Variants in CDKAL1 observed in about 807,000 individuals in gnomAD.
The protein encoded by CDKAL1 is CDKAL1 threonylcarbamoyladenosine tRNA methylthiotransferase.
In CDKAL1, 32 loss-of-function variants were observed where a neutral mutation model predicts 68.2. The ratio of observed to expected loss-of-function variants is 0.47; its 90% CI spans 0.35 to 0.63. The LOEUF (loss-of-function observed/expected upper bound fraction) is 0.63. Among genes scored for constraint, CDKAL1 ranks in the 30% least tolerant of loss-of-function variants. The pLI is 0.00. For missense variants in CDKAL1, 606 were observed against 696.7 expected, an observed-to-expected ratio of 0.87 and a Z score of 1.47; for synonymous variants, 234 against 244.3, an observed-to-expected ratio of 0.96 and a Z score of 0.39.
At chr6:21,217,908 G>A (rs1254868525) in intron 15 of CDKAL1, among the ~76,000 whole-genome samples, 1 of 152,162 alleles carries the variant, frequency 6.6e-6, no homozygotes, top group African/African-American at 2.4e-5. Context: ...CAGGCAAGAG[G>A]CACTGTGCCC....
chr6:20,614,610 A>C lies in CDKAL1; in HGVS notation c.287-34683A>C, dbSNP rs1183298686. ...CAAGTAGAGGGAATAGCTCAGCAAG[A>C]CCCCCCTACTTATCACAGATTCAGT... On this transcript the variant is annotated intron_variant, in intron 4 of 15. Coordinates refer to ENST00000274695, the MANE Select transcript of CDKAL1 (RefSeq NM_017774.3). Among the ~76,000 whole-genome samples, 9 of 151,640 alleles carry C rather than the reference A, an allele frequency of 5.9e-5. No individual in the cohort carries two copies. In the East Asian group the frequency reaches 1.7e-3, roughly 29 times the overall value.
chr6:20,629,419 C>T (rs920068725), intron 4 of CDKAL1, among the ~76,000 whole-genome samples: 20 of 152,140 alleles, frequency 1.3e-4, no homozygotes, highest in African/African-American at 4.3e-4. Flanking sequence ...TTTTCCTCTT[C>T]GCAGTTAAAT....
At chr6:21,072,039 G>A (rs1771801768) in intron 12 of CDKAL1, among the ~76,000 whole-genome samples, 2 of 152,142 alleles carry the variant, frequency 1.3e-5, no homozygotes, top group South Asian at 2.1e-4. Context: ...TTGTGAACTG[G>A]TACACGCCAC....
chr6:20,898,955 G>T (rs1761829068), intron 9 of CDKAL1, among the ~76,000 whole-genome samples: 1 of 151,892 alleles, frequency 6.6e-6, no homozygotes, highest in African/African-American at 2.4e-5. Context: ...TATTTGTATA[G>T]AAATGGAGAG....
chr6:20,721,132 C>A (rs12111216), intron 5 of CDKAL1, among the ~76,000 whole-genome samples: 2,652 of 123,890 alleles, frequency 0.021, 85 homozygotes, highest in African/African-American at 0.073. Flanking sequence ...CCACAACAGG[C>A]CCCGGTGTGT....
At chr6:20,791,984 A>AG (rs1177988365) in intron 8 of CDKAL1, among the ~76,000 whole-genome samples, 1 of 117,472 alleles carries the variant, frequency 8.5e-6, no homozygotes, top group Non-Finnish European at 1.8e-5. Flanking sequence ...CAAGAGAGAG[A>AG]AAAAAAAAAA....
intron 9 of CDKAL1, among the ~76,000 whole-genome samples, chr6:20,888,086 A>G (rs1044581583): frequency 1.1e-4 from 17 of 151,016 alleles, no homozygotes; most frequent in African/African-American, 4.1e-4. Flanking sequence ...TTAACTTGTC[A>G]TTTACGTTAG....
intron 4 of CDKAL1, among the ~76,000 whole-genome samples, chr6:20,621,772 G>GTTTTT (rs149139013): frequency 6.9e-6 from 1 of 145,376 alleles, no homozygotes; most frequent in Non-Finnish European, 1.5e-5. Flanking sequence ...GCATACCTCA[G>GTTTTT]TGTTTTTTTT....
chr6:20,847,468 A>C (rs1243893136), intron 9 of CDKAL1, among the ~76,000 whole-genome samples: 1 of 152,248 alleles, frequency 6.6e-6, no homozygotes, highest in African/African-American at 2.4e-5. Flanking sequence ...TAGATGATCT[A>C]TCTACCAAAC....
intron 15 of CDKAL1, among the ~76,000 whole-genome samples, chr6:21,218,237 T>C (rs1172227494): frequency 6.6e-6 from 1 of 152,210 alleles, no homozygotes; most frequent in Non-Finnish European, 1.5e-5. Context: ...TCCAGAAAAC[T>C]TTATTGAAAG....
chr6:20,547,363 CAG>C (rs1206147755), intron 3 of CDKAL1, among the ~76,000 whole-genome samples: 6 of 152,002 alleles, frequency 3.9e-5, no homozygotes. Flanking sequence ...AAATTTTTAC[CAG>C]AGTTTGTGAT....
intron 10 of CDKAL1, among the ~76,000 whole-genome samples, chr6:20,983,498 A>G (rs933431402): frequency 1.3e-5 from 2 of 152,212 alleles, no homozygotes; most frequent in African/African-American, 4.8e-5. Context: ...AGGTGGGCAG[A>G]TGACCTGAGG....
intron 9 of CDKAL1, among the ~76,000 whole-genome samples, chr6:20,881,716 T>C (rs1369488079): frequency 6.6e-6 from 1 of 152,224 alleles, no homozygotes; most frequent in African/African-American, 2.4e-5. Flanking sequence ...GTTGCTTTTC[T>C]TTCTCTTCCT....
intron 11 of CDKAL1, among the ~76,000 whole-genome samples, chr6:21,029,142 AC>A (rs544674135): frequency 1.8e-4 from 27 of 152,156 alleles, no homozygotes; most frequent in African/African-American, 6.5e-4. Flanking sequence ...GACATCCCCA[AC>A]CTCAGGTTAT....
At chr6:20,840,071 C>G (rs1778113546) in intron 8 of CDKAL1, among the ~76,000 whole-genome samples, 1 of 152,132 alleles carries the variant, frequency 6.6e-6, no homozygotes, top group Admixed American at 6.5e-5. Flanking sequence ...AAAGGAAATT[C>G]AAATGCAATT....
chr6:21,225,069 G>T (rs1451006262), intron 15 of CDKAL1, among the ~76,000 whole-genome samples: 2 of 152,136 alleles, frequency 1.3e-5, no homozygotes, highest in Non-Finnish European at 2.9e-5. Context: ...TGGAGAGAAA[G>T]GCCACCCCTG....
At chr6:21,006,151 C>G (rs574704534) in intron 11 of CDKAL1, among the ~76,000 whole-genome samples, 9 of 152,124 alleles carry the variant, frequency 5.9e-5, no homozygotes, top group African/African-American at 1.9e-4. Flanking sequence ...TATCATTAGT[C>G]CTGGTCATTC....
intron 11 of CDKAL1, among the ~76,000 whole-genome samples, chr6:21,045,225 A>T (rs1770156317): frequency 6.6e-6 from 1 of 152,216 alleles, no homozygotes. Flanking sequence ...GATCGGAATG[A>T]TATAGCAGGC....
At chr6:21,150,985 C>T (rs942546524) in intron 13 of CDKAL1, among the ~76,000 whole-genome samples, 3 of 152,188 alleles carry the variant, frequency 2.0e-5, no homozygotes, top group Non-Finnish European at 2.9e-5. Flanking sequence ...GTAAAATTTA[C>T]TGATTTGTCC....
Sources: gnomAD v4.1 joint callset for allele counts (sites outside exome capture counted in the v4.1 genomes callset) on GRCh38, gnomAD v4.1.1 for gene constraint, MANE v1.5 for transcripts, NCBI Gene and HGNC (gene_info 2026-07-23, HGNC 2026-07-21) for gene names.